ZFHX3: variants seen among roughly 807,000 people sequenced by gnomAD.
The protein encoded by ZFHX3 is zinc finger homeobox protein 3.
A neutral mutation model predicts 279.1 loss-of-function variants in ZFHX3; 42 were observed. That is an observed-to-expected ratio of 0.15 (90% CI 0.12 to 0.19). The LOEUF is 0.19. ZFHX3 is among the 10% of genes least tolerant of loss of function. The pLI, the probability that ZFHX3 is intolerant of heterozygous loss-of-function variation, is 1.00. For missense variants in ZFHX3, 4,981 were observed against 4,754.0 expected (o/e 1.05, Z -1.40); for synonymous variants, 2,293 against 1,957.8 (o/e 1.17, Z -4.52).
intron 2 of ZFHX3, among the ~76,000 whole-genome samples, chr16:73,673,140 G>A (rs928804649): frequency 2.0e-5 from 3 of 152,046 alleles, no homozygotes; most frequent in African/African-American, 7.2e-5. Context: ...AAATAAAACT[G>A]TTTTTCAAAA....
chr16:73,453,331 T>C (rs974741399), intron 3 of ZFHX3, among the ~76,000 whole-genome samples: 2 of 152,218 alleles, frequency 1.3e-5, no homozygotes, highest in African/African-American at 2.4e-5. Flanking sequence ...TTTGTGTAAT[T>C]GGATGTGGAA....
intron 3 of ZFHX3, among the ~76,000 whole-genome samples, chr16:72,938,768 A>G (rs1476685441): frequency 6.6e-6 from 1 of 152,376 alleles, no homozygotes; most frequent in South Asian, 2.1e-4. Context: ...AAGAGACGGG[A>G]CAGAGGTCAG....
intron 5 of ZFHX3, among the ~76,000 whole-genome samples, chr16:73,187,779 C>T (rs983745688): frequency 6.6e-6 from 1 of 152,260 alleles, no homozygotes; most frequent in East Asian, 1.9e-4. Context: ...AAACTGTTGG[C>T]GTGGTTTCTA....
At chr16:73,500,796 G>C (rs1490126678) in intron 2 of ZFHX3, among the ~76,000 whole-genome samples, 2 of 150,330 alleles carry the variant, frequency 1.3e-5, no homozygotes, top group Non-Finnish European at 2.9e-5. Context: ...AAATTTTTTA[G>C]ATAGTAAGTT....
chr16:73,628,026 G>C (rs556446291), intron 2 of ZFHX3, among the ~76,000 whole-genome samples: 23 of 152,330 alleles, frequency 1.5e-4, no homozygotes, highest in African/African-American at 5.3e-4. Flanking sequence ...CAGAATTACA[G>C]TTTCCTTGAG....
rs1331604974 is a variant in ZFHX3, at chr16:72,785,304, A to T, written c.*1860T>A. ...ATTAACAGAAACAAGTGCCTCACAT[A>T]CAGTTCCTTTTTTGCTTTCTGTACA... On this transcript the variant is annotated 3_prime_UTR_variant, in exon 10 of 10. Coordinates refer to ENST00000268489, the MANE Select transcript of ZFHX3 (RefSeq NM_006885.4). The T allele has an allele frequency of 6.5e-6, 1 of 152,678 alleles. No individual in the cohort carries two copies. The highest frequency in any genetic ancestry group is 1.9e-4 in the East Asian group (1 of 5,204). The allele number at this position is 152,678 out of a possible 1,614,324, so 9.5% of individuals were successfully genotyped here.
chr16:72,814,575 AC>A (rs2036551011), intron 5 of ZFHX3, among the ~76,000 whole-genome samples: 1 of 150,792 alleles, frequency 6.6e-6, no homozygotes, highest in African/African-American at 2.4e-5. Context: ...TTCAGAAGCC[AC>A]TATTCTTTCC....
chr16:73,092,987 T>G, intron 8 of ZFHX3: 3 of 520,064 alleles, frequency 5.8e-6, no homozygotes, highest in Non-Finnish European at 1.2e-5. Context: ...TTCCTGGAGG[T>G]GAAATCCCTT....
At chr16:73,168,210 G>T (rs1450035946) in intron 5 of ZFHX3, among the ~76,000 whole-genome samples, 209 of 90,944 alleles carry the variant, frequency 2.3e-3, no homozygotes, top group Admixed American at 0.019. Context: ...AGTTTCTTTT[G>T]TTTTCTTTCT....
chr16:73,013,251 T>C (rs1963977697), intron 1 of ZFHX3, among the ~76,000 whole-genome samples: 1 of 152,206 alleles, frequency 6.6e-6, no homozygotes, highest in Non-Finnish European at 1.5e-5. Flanking sequence ...ACTTGGATTC[T>C]TTCTTTACAG....
At chr16:73,272,410 G>T (rs1375174541) in intron 4 of ZFHX3, among the ~76,000 whole-genome samples, 1 of 152,024 alleles carries the variant, frequency 6.6e-6, no homozygotes, top group Non-Finnish European at 1.5e-5. Flanking sequence ...AATCTGTATT[G>T]GTTAAGTCAA....
chr16:73,636,548 T>A (rs961475674), intron 2 of ZFHX3, among the ~76,000 whole-genome samples: 4 of 152,106 alleles, frequency 2.6e-5, no homozygotes, highest in African/African-American at 9.7e-5. Context: ...ATGAAACCTG[T>A]TCAACAAGGT....
At chr16:72,887,193 T>C (rs2038647848) in intron 4 of ZFHX3, among the ~76,000 whole-genome samples, 1 of 152,064 alleles carries the variant, frequency 6.6e-6, no homozygotes, top group African/African-American at 2.4e-5. Flanking sequence ...GAGGAGCAGG[T>C]GGGCAGAGGG....
chr16:72,845,067 T>A (rs1195804981), intron 4 of ZFHX3, among the ~76,000 whole-genome samples: 1 of 152,178 alleles, frequency 6.6e-6, no homozygotes, highest in African/African-American at 2.4e-5. Flanking sequence ...GGCAGGTTCC[T>A]GCTCCTCCGT....
intron 2 of ZFHX3, among the ~76,000 whole-genome samples, chr16:73,484,102 G>A (rs898615006): frequency 2.0e-5 from 3 of 152,060 alleles, no homozygotes; most frequent in Admixed American, 6.5e-5. Context: ...CCCGAGCCCA[G>A]GGGCTGCAGG....
At chr16:73,379,394 A>T (rs1165829655) in intron 3 of ZFHX3, among the ~76,000 whole-genome samples, 2 of 152,124 alleles carry the variant, frequency 1.3e-5, no homozygotes, top group Admixed American at 6.5e-5. Flanking sequence ...GTGGGCTGGC[A>T]GACTCTGGAC....
At chr16:73,579,555 G>C (rs1435909452) in intron 2 of ZFHX3, among the ~76,000 whole-genome samples, 2 of 149,662 alleles carry the variant, frequency 1.3e-5, no homozygotes, top group Admixed American at 1.3e-4. Flanking sequence ...AGGCTGGAGT[G>C]CAGTGGCGTG....
intron 1 of ZFHX3, among the ~76,000 whole-genome samples, chr16:73,773,513 C>A (rs986636709): frequency 1.3e-5 from 2 of 152,192 alleles, no homozygotes; most frequent in African/African-American, 4.8e-5. Flanking sequence ...GATCTGTCCA[C>A]CTGAGGCTTC....
chr16:73,229,580 G>A (rs2012708372), intron 5 of ZFHX3, among the ~76,000 whole-genome samples: 1 of 152,140 alleles, frequency 6.6e-6, no homozygotes, highest in Non-Finnish European at 1.5e-5. Context: ...CTCAGTGGTA[G>A]ATAGACAGAA....
Sources: allele counts gnomAD v4.1 joint callset (sites outside exome capture counted in the v4.1 genomes callset), GRCh38; gene constraint gnomAD v4.1.1; transcripts MANE v1.5; gene names NCBI Gene and HGNC (gene_info 2026-07-23, HGNC 2026-07-21).